The following BEGAIN variants were observed in gnomAD, a reference collection of about 807,000 sequenced individuals.
BEGAIN encodes the protein brain-enriched guanylate kinase-associated protein.
BEGAIN carries 19 observed loss-of-function variants against 35.8 expected under a neutral mutation model. That is an observed-to-expected ratio of 0.53 (90% CI 0.37 to 0.78). The LOEUF is 0.78. BEGAIN is among the 30% of genes least tolerant of loss of function. The pLI is 0.00. For missense variants in BEGAIN, 795 were observed against 853.6 expected, an observed-to-expected ratio of 0.93 and a Z score of 0.85; for synonymous variants, 462 against 388.6, an observed-to-expected ratio of 1.19 and a Z score of -2.22.
At position 100,538,330 on chromosome 14, in the gene BEGAIN, T is replaced by C; in HGVS notation, c.1478A>G (p.Asp493Gly). Residue 493 changes from aspartate to glycine, a missense_variant, in exon 7 of 7, where the codon GAC (aspartate) becomes GGC (glycine). By Grantham distance (94) the Asp-to-Gly change is moderately conservative. Coordinates refer to ENST00000554140, the MANE Select transcript of BEGAIN (RefSeq NM_001385089.1). ...ASPLYASYKA[D>G]SFSEGDDLSQ... The stretch of plus-strand genomic sequence containing the variant: ...GAGGTCGTCCCCCTCGGAGAAGCTG[T>C]CGGCCTTGTAGCTGGCGTAGAGCGG... 1 of 1,519,738 alleles carries C rather than the reference T, an allele frequency of 6.6e-7. No individual in the cohort carries two copies. The highest frequency in any genetic ancestry group is 8.8e-7 in the Non-Finnish European group (1 of 1,141,492). The allele number at this position is 1,519,738 out of a possible 1,614,324, so 94.1% of individuals were successfully genotyped here.
rs768474955 is a variant in BEGAIN at position 100,538,992 on chromosome 14, G to A, written c.816C>T (p.Asp272=). 5 of 1,610,478 alleles carry A rather than the reference G, an allele frequency of 3.1e-6. No homozygotes were observed. The highest frequency in any genetic ancestry group is 4.2e-6 in the Non-Finnish European group (5 of 1,178,890). ...RRPSVDAPVT[D]VGFLRAQNST... The stretch of plus-strand genomic sequence containing the variant: ...AGTTCTGGGCCCGCAGGAAGCCCAC[G>A]TCGGTCACGGGCGCGTCCACGCTAG... Residue 272 remains aspartate, a synonymous_variant, in exon 7 of 7, where the codon GAC becomes GAT. Coordinates refer to ENST00000554140, the MANE Select transcript of BEGAIN (RefSeq NM_001385089.1).
intron 2 of BEGAIN, chr14:100,550,289 C>T (rs1021011016): frequency 2.4e-4 from 96 of 396,516 alleles, no homozygotes; most frequent in Middle Eastern, 6.3e-4. Context: ...GCTGTGCCGC[C>T]GGCCCACGCC....
rs1301163990 is a variant in BEGAIN at position 100,573,203 on chromosome 14, AG to A, written c.43-5265del. ...GTCTGGGGGGAGGGGCTTCCGGAGG[AG>A]GGGGCTGGTGAGTCTGGGGGGAGGG... is the stretch of plus-strand genomic sequence containing the variant. On this transcript the variant is annotated intron_variant, in intron 1 of 6. Transcript: ENST00000554140. This position sits in a 1 kb window ranked among gnomAD's most constrained non-coding sequence, Gnocchi z 4.2. 9.7e-6 allele frequency among the ~76,000 whole-genome samples: 1 copy of A among 102,888 alleles called. No homozygotes were observed. Among genetic ancestry groups the A allele is most frequent in the Non-Finnish European group, 2.0e-5 (1 of 50,218 alleles). The allele number at this position is 102,888 out of a possible 152,430, so 67.5% of individuals were successfully genotyped here.
intron 3 of BEGAIN, 71 bp downstream of exon 3, chr14:100,546,425 CCCCGG>C (rs1566964359): frequency 1.5e-4 from 8 of 52,262 alleles, no homozygotes; most frequent in Admixed American, 2.4e-4. Flanking sequence ...CCTCGCCCCG[CCCCGG>C]CCCTCGCCCC....
intron 2 of BEGAIN, among the ~76,000 whole-genome samples, chr14:100,562,998 GC>G (rs564319187): frequency 2.0e-4 from 30 of 152,298 alleles, no homozygotes; most frequent in Non-Finnish European, 3.2e-4. Flanking sequence ...CGGGGCCCAC[GC>G]GGGAGACTTG....
chr14:100,582,761 G>A (rs548867434), intron 1 of BEGAIN, among the ~76,000 whole-genome samples: 1 of 152,188 alleles, frequency 6.6e-6, no homozygotes, highest in Non-Finnish European at 1.5e-5. Context: ...CTTATTTCCT[G>A]AGTGGGTCTT....
At chr14:100,584,059 T>C (rs1160023728) in intron 1 of BEGAIN, among the ~76,000 whole-genome samples, 1 of 152,174 alleles carries the variant, frequency 6.6e-6, no homozygotes. Context: ...TTCCCTTCCA[T>C]ACAGTATCAT....
chr14:100,547,275 G>A (rs1441348277), intron 2 of BEGAIN: 2 of 152,282 alleles, frequency 1.3e-5, no homozygotes, highest in Admixed American at 6.5e-5. Flanking sequence ...CATGGCCAAT[G>A]AGGCTGCATG....
At chr14:100,569,097 C>A (rs924712602) in intron 1 of BEGAIN, 50 of 237,692 alleles carry the variant, frequency 2.1e-4, no homozygotes, top group Non-Finnish European at 3.2e-4. Flanking sequence ...ACCAACTTCC[C>A]GGGTGCTCGG....
chr14:100,573,998 G>T lies in BEGAIN; in HGVS notation c.43-6059C>A, dbSNP rs947661563. 6.6e-6 allele frequency among the ~76,000 whole-genome samples: 1 copy of T among 152,106 alleles called. No homozygotes were observed. The highest frequency in any genetic ancestry group is 2.4e-5 in the African/African-American group (1 of 41,402). On this transcript the variant is annotated intron_variant, in intron 1 of 6. Coordinates refer to ENST00000554140, the MANE Select transcript of BEGAIN (RefSeq NM_001385089.1). This position sits in a 1 kb window ranked among gnomAD's most constrained non-coding sequence, Gnocchi z 4.2. ...TAAGGGTGGAGGTGGTCCTTCGGGG[G>T]CTGTCTCAAGGAGGAGAGCGGGATC...
chr14:100,586,611 G>C lies in BEGAIN; in HGVS notation c.42+638C>G, dbSNP rs2035450240. Among the ~76,000 whole-genome samples, 1 of 152,310 alleles carries C rather than the reference G, an allele frequency of 6.6e-6. No homozygotes were observed. The highest frequency in any genetic ancestry group is 1.9e-4 in the East Asian group (1 of 5,140). On this transcript the variant is annotated intron_variant, in intron 1 of 6. Coordinates refer to ENST00000554140, the MANE Select transcript of BEGAIN (RefSeq NM_001385089.1). The surrounding 1 kb of genome is among the most constrained non-coding windows in gnomAD (Gnocchi z 4.9). ...GTGCTGGGGCTCAGGGAGGGTGAGC[G>C]CGCCGGCTGAGCCGCTCTGGGCGAG...
intron 2 of BEGAIN, among the ~76,000 whole-genome samples, chr14:100,551,820 T>C (rs866387669): frequency 1.3e-5 from 2 of 152,026 alleles, no homozygotes; most frequent in Non-Finnish European, 2.9e-5. Context: ...ATTCCTGAGC[T>C]GCTCTGCAGA....
intron 1 of BEGAIN, chr14:100,577,378 C>G: frequency 2.5e-6 from 1 of 399,238 alleles, no homozygotes; most frequent in Non-Finnish European, 4.4e-6. Flanking sequence ...GCAAGGCCCA[C>G]TAGTTCCCAC....
At chr14:100,579,529 C>T (rs1426147220) in intron 1 of BEGAIN, among the ~76,000 whole-genome samples, 1 of 152,204 alleles carries the variant, frequency 6.6e-6, no homozygotes, top group Non-Finnish European at 1.5e-5. Context: ...AGGCCCTTGG[C>T]CTGGTGGGCA....
chr14:100,549,283 G>A (rs1253806543), intron 2 of BEGAIN: 4 of 152,444 alleles, frequency 2.6e-5, no homozygotes, highest in African/African-American at 9.7e-5. Flanking sequence ...GTTTCCATCT[G>A]ACTCCAGCGG....
chr14:100,546,539 C>A lies in BEGAIN; in HGVS notation c.195G>T (p.Ala65=). Reference sequence around the variant, plus strand: ...CCGTGACCTTCTCCAGTTCCTCCTGCGCGCGCCGCAGCTCGATCTCCAGGT... The same window carrying A: ...CCGTGACCTTCTCCAGTTCCTCCTGAGCGCGCCGCAGCTCGATCTCCAGGT... The part of the protein sequence containing the change: ...RHYLEIELRR[A]QEELEKVTEK... Residue 65 remains alanine (A), a synonymous_variant, in exon 3 of 7, where the codon GCG becomes GCT. Transcript: ENST00000554140. 6.3e-7 allele frequency: 1 copy of A among 1,577,754 alleles called. No individual in the cohort carries two copies. Among genetic ancestry groups the A allele is most frequent in the Admixed American group, 1.8e-5 (1 of 56,496 alleles).
chr14:100,577,825 C>T (rs918532501), intron 1 of BEGAIN: 8 of 399,240 alleles, frequency 2.0e-5, no homozygotes, highest in African/African-American at 1.4e-4. Flanking sequence ...CATGTGGCTT[C>T]GAAGGTCCTG....
chr14:100,550,058 CGTGT>C (rs918276828), intron 2 of BEGAIN, among the ~76,000 whole-genome samples: 1 of 152,132 alleles, frequency 6.6e-6, no homozygotes, highest in Non-Finnish European at 1.5e-5. Flanking sequence ...TGCACGTGTG[CGTGT>C]GTGTGGTGTG....
rs1468090742 is a variant in BEGAIN, at chr14:100,586,848, C to A, written c.42+401G>T. On this transcript the variant is annotated intron_variant, in intron 1 of 6. Transcript: ENST00000554140. This position sits in a 1 kb window ranked among gnomAD's most constrained non-coding sequence, Gnocchi z 4.9. ...CAGGGGCTGGCCCTGCCCCCAGACG[C>A]AGGCGGGTCCAGGCCTGCCCGCACC... Among the ~76,000 whole-genome samples the A allele has an allele frequency of 6.6e-6, 1 of 152,170 alleles. No homozygotes were observed. Among genetic ancestry groups the A allele is most frequent in the Non-Finnish European group, 1.5e-5 (1 of 68,018 alleles).
Sources: allele counts gnomAD v4.1 joint callset (sites outside exome capture counted in the v4.1 genomes callset), GRCh38; gene constraint gnomAD v4.1.1; non-coding constraint Gnocchi (gnomAD v3.1); transcripts MANE v1.5; gene names NCBI Gene and HGNC (gene_info 2026-07-23, HGNC 2026-07-21).